NSUN6: variants seen among roughly 807,000 people sequenced by gnomAD.
NSUN6 encodes NOP2/Sun RNA methyltransferase 6.
In NSUN6, 64 loss-of-function variants were observed where a neutral mutation model predicts 58.0. The ratio of observed to expected loss-of-function variants is 1.10; its 90% CI spans 0.90 to 1.36. NSUN6 has a LOEUF of 1.36. Ranked by LOEUF, NSUN6 falls within the 40% of genes most tolerant of loss-of-function variation. The pLI is 0.00. For missense variants in NSUN6, 701 were observed against 550.1 expected, an observed-to-expected ratio of 1.27 and a Z score of -2.74; for synonymous variants, 231 against 193.9, an observed-to-expected ratio of 1.19 and a Z score of -1.59.
In NSUN6 at chr10:18,648,555, T is replaced by C; in HGVS notation, c.166A>G (p.Arg56Gly). The change falls in exon 2 of 11, where the codon AGA becomes GGA. Residue 56 changes from arginine (R) to glycine (G), a missense_variant. Coordinates refer to ENST00000377304, the MANE Select transcript of NSUN6 (RefSeq NM_182543.5). ...ACTGAGGCTAAATGTGTATTCACTC[T>C]GACAGTTGTAAATGATGGAGGATGT... ...LSHPPSFTTV[R>G]VNTHLASVQH... The C allele has an allele frequency of 6.2e-7, 1 of 1,607,188 alleles. No homozygotes were observed. The highest frequency in any genetic ancestry group is 8.5e-7 in the Non-Finnish European group (1 of 1,173,858).
chr10:18,642,650 G>T, intron 2 of NSUN6, 95 bp from the exon 3 acceptor site: 1 of 642,406 alleles, frequency 1.6e-6, no homozygotes, highest in Admixed American at 2.5e-5. Context: ...ACAGCATGAA[G>T]CCCTAGTAGC....
chr10:18,600,772 A>T (rs1291023965), intron 6 of NSUN6, among the ~76,000 whole-genome samples: 1 of 151,116 alleles, frequency 6.6e-6, no homozygotes, highest in Non-Finnish European at 1.5e-5. Context: ...TACTAAAAAT[A>T]CAAAAATTAA....
intron 6 of NSUN6, among the ~76,000 whole-genome samples, chr10:18,599,843 C>G (rs141970677): frequency 7.8e-4 from 119 of 152,260 alleles, no homozygotes; most frequent in African/African-American, 2.8e-3. Context: ...ACTTTGAAAA[C>G]AGTTGCTGTA....
At chr10:18,547,893 C>T (rs1363079982) in intron 10 of NSUN6, among the ~76,000 whole-genome samples, 2 of 152,124 alleles carry the variant, frequency 1.3e-5, no homozygotes, top group African/African-American at 2.4e-5. Context: ...AGCTCTGTGC[C>T]ATTTTAACAC....
intron 6 of NSUN6, among the ~76,000 whole-genome samples, chr10:18,603,838 AAAGT>A (rs768126708): frequency 2.0e-5 from 3 of 152,206 alleles, no homozygotes; most frequent in African/African-American, 4.8e-5. Flanking sequence ...TAATAAGCTG[AAAGT>A]GAGTTACTGC....
upstream of NSUN6, chr10:18,652,132 A>C: frequency 1.0e-6 from 1 of 985,204 alleles, no homozygotes; most frequent in Non-Finnish European, 1.2e-6. Flanking sequence ...AAACCCACAG[A>C]CAGTGTTTAC....
intron 3 of NSUN6, among the ~76,000 whole-genome samples, chr10:18,630,039 A>G (rs1203753836): frequency 6.7e-6 from 1 of 148,504 alleles, no homozygotes; most frequent in Non-Finnish European, 1.5e-5. Context: ...AAGAACAGAA[A>G]TTATAACAAA....
At chr10:18,566,857 C>G (rs577669570) in intron 8 of NSUN6, among the ~76,000 whole-genome samples, 2 of 148,590 alleles carry the variant, frequency 1.3e-5, no homozygotes, top group South Asian at 4.3e-4. Context: ...TCCACTCTTT[C>G]CCATTCTCCA....
chr10:18,576,165 T>C lies in NSUN6; in HGVS notation c.922+9784A>G, dbSNP rs919982181. The stretch of plus-strand genomic sequence containing the variant: ...AATTTAACTCTTTGATCTATTACTC[T>C]TTCTTCTTTCCTTGCTCTATTGCTG... On this transcript the variant is annotated intron_variant, in intron 8 of 10. Coordinates refer to ENST00000377304, the MANE Select transcript of NSUN6 (RefSeq NM_182543.5). Among the ~76,000 whole-genome samples the C allele has an allele frequency of 1.1e-4, 16 of 152,116 alleles. 1 individual carries two copies. Among genetic ancestry groups the C allele is most frequent in the Admixed American group, 8.5e-4 (13 of 15,246 alleles).
At chr10:18,643,448 T>C (rs1420280063) in intron 2 of NSUN6, among the ~76,000 whole-genome samples, 1 of 152,250 alleles carries the variant, frequency 6.6e-6, no homozygotes, top group Non-Finnish European at 1.5e-5. Flanking sequence ...CATGTTTGCA[T>C]TGCCCCACAG....
chr10:18,638,914 G>A (rs1193892871), intron 3 of NSUN6, among the ~76,000 whole-genome samples: 1 of 145,164 alleles, frequency 6.9e-6, no homozygotes, highest in Non-Finnish European at 1.5e-5. Context: ...AATTATACTT[G>A]GGAAATAACA....
chr10:18,588,703 C>G (rs543439490), intron 7 of NSUN6, among the ~76,000 whole-genome samples: 2 of 152,310 alleles, frequency 1.3e-5, no homozygotes, highest in East Asian at 1.9e-4. Context: ...AGAAGAAAAA[C>G]TAACAAACAG....
At chr10:18,596,447 A>G in intron 6 of NSUN6, 120 bp from the exon 7 acceptor site, 1 of 601,900 alleles carries the variant, frequency 1.7e-6, no homozygotes, top group African/African-American at 1.9e-5. Context: ...GTCTGCTAAG[A>G]GGACAATTTT....
chr10:18,646,822 C>A (rs1455432990), intron 2 of NSUN6, among the ~76,000 whole-genome samples: 1 of 152,138 alleles, frequency 6.6e-6, no homozygotes, highest in African/African-American at 2.4e-5. Flanking sequence ...CAGAGTGAGA[C>A]TCCCTCTCAA....
At chr10:18,565,937 CCCATTCCCTT>C (rs970896649) in intron 8 of NSUN6, among the ~76,000 whole-genome samples, 1 of 147,540 alleles carries the variant, frequency 6.8e-6, no homozygotes, top group Admixed American at 6.8e-5. Flanking sequence ...CATTCTCCCT[CCCATTCCCTT>C]CCATTCTCCA....
chr10:18,649,521 G>C (rs746504184), intron 1 of NSUN6, among the ~76,000 whole-genome samples: 4 of 151,846 alleles, frequency 2.6e-5, no homozygotes, highest in Non-Finnish European at 5.9e-5. Flanking sequence ...CCAGCTACTC[G>C]GGAGGCTGAG....
intron 8 of NSUN6, among the ~76,000 whole-genome samples, chr10:18,556,681 G>C (rs1428311733): frequency 1.3e-5 from 2 of 150,950 alleles, no homozygotes; most frequent in Non-Finnish European, 3.0e-5. Context: ...ATGGGGAATT[G>C]AAATGCGAAT....
intron 2 of NSUN6, among the ~76,000 whole-genome samples, chr10:18,647,715 T>TC (rs1435964415): frequency 6.9e-6 from 1 of 144,304 alleles, no homozygotes; most frequent in African/African-American, 2.5e-5. Flanking sequence ...CATAAGGCGC[T>TC]CAACACCTTG....
chr10:18,596,277 C>G lies in NSUN6; in HGVS notation c.708G>C (p.Glu236Asp), dbSNP rs1266593224. Residue 236 changes from glutamate (E) to aspartate (D), a missense_variant, in exon 7 of 11, where the codon GAG becomes GAC. Physicochemically the swap from Glu to Asp is conservative, Grantham distance 45. Transcript: ENST00000377304. ...GTGCTGCACACAAGTCTAGAATCTT[C>G]TCTCCAGGTTGAGGATTTAGTACAT... ...VSHVLNPQPG[E>D]KILDLCAAPG... 2 of 1,603,950 alleles carry G rather than the reference C, an allele frequency of 1.2e-6. No individual in the cohort carries two copies. The highest frequency in any genetic ancestry group is 4.5e-5 in the East Asian group (2 of 44,818).
Sources: allele counts gnomAD v4.1 joint callset (sites outside exome capture counted in the v4.1 genomes callset), GRCh38; gene constraint gnomAD v4.1.1; transcripts MANE v1.5; gene names NCBI Gene and HGNC (gene_info 2026-07-23, HGNC 2026-07-21).